DIAPH2: variants seen among roughly 807,000 people sequenced by gnomAD.
DIAPH2 encodes the protein diaphanous related formin 2.
In DIAPH2, 35 loss-of-function variants were observed where a neutral mutation model predicts 92.7. That is an observed-to-expected ratio of 0.38 (90% CI 0.29 to 0.50). The LOEUF (loss-of-function observed/expected upper bound fraction) is 0.50. Among genes scored for constraint, DIAPH2 ranks in the 20% least tolerant of loss-of-function variants. The probability of loss-of-function intolerance (pLI) is 0.94; values close to 1 mark genes in which losing one functional copy is unlikely to be tolerated. For synonymous variants in DIAPH2, 301 were observed against 280.4 expected, an observed-to-expected ratio of 1.07 and a Z score of -0.73; for missense variants, 701 against 819.5, an observed-to-expected ratio of 0.86 and a Z score of 1.77.
At chrX:97,589,440 C>G (rs184112773) in intron 26 of DIAPH2, among the ~76,000 whole-genome samples, 19 of 108,131 alleles carry the variant, frequency 1.8e-4, no homozygotes, top group African/African-American at 4.7e-4. Context: ...TTTCAAAAAG[C>G]AGATTATGAC....
At chrX:96,747,263 C>A (rs2064156493) in intron 3 of DIAPH2, among the ~76,000 whole-genome samples, 1 of 111,768 alleles carries the variant, frequency 8.9e-6, no homozygotes, top group African/African-American at 3.2e-5. Context: ...GCACAAGGAA[C>A]TCCCAAGTGG....
chrX:97,332,551 A>G (rs1002816012), intron 23 of DIAPH2, among the ~76,000 whole-genome samples: 1 of 112,127 alleles, frequency 8.9e-6, no homozygotes, highest in African/African-American at 3.2e-5. Context: ...GACACTATCT[A>G]TAATTCAGTA....
rs369665085 is a variant in DIAPH2, at chrX:96,747,738, A to C, written c.342+8976A>C. On this transcript the variant is annotated intron_variant, in intron 3 of 26. Transcript: ENST00000324765. Reference sequence around the variant, plus strand: ...ATAGGTTTCTTTCTCACCCAACCCTAGTCTTTTAGAAGTTAGTTAGCTTGG... The same window carrying C: ...ATAGGTTTCTTTCTCACCCAACCCTCGTCTTTTAGAAGTTAGTTAGCTTGG... 3.1e-4 allele frequency among the ~76,000 whole-genome samples: 35 copies of C among 111,948 alleles called. No homozygotes were observed. The East Asian group carries it at 8.7e-3, about 28-fold the overall frequency.
intron 17 of DIAPH2, among the ~76,000 whole-genome samples, chrX:97,019,450 C>G (rs1569280656): frequency 2.7e-5 from 3 of 110,807 alleles, no homozygotes; most frequent in African/African-American, 9.9e-5. Context: ...ATAGTAAGTA[C>G]TTCTGACCTC....
rs1013895713 is a variant in DIAPH2, at chrX:97,602,964, G to A, written c.*3647G>A. 9.0e-6 allele frequency: 1 copy of A among 111,279 alleles called. No homozygotes were observed. Among genetic ancestry groups the A allele is most frequent in the African/African-American group, 3.3e-5 (1 of 30,534 alleles). 9.2% of individuals were successfully genotyped at this position (111,279 alleles called of 1,213,427 possible). A position where few individuals can be genotyped will look rare whatever the true frequency, so the allele number is the denominator to read the frequency against. On this transcript the variant is annotated 3_prime_UTR_variant, in exon 27 of 27. Transcript: ENST00000324765. ...CATTGATTCACACATTCAGAAAAGA[G>A]GGTCCTCACAGATTTTTCCTGAACA... is the stretch of plus-strand genomic sequence containing the variant.
intron 15 of DIAPH2, among the ~76,000 whole-genome samples, chrX:96,952,044 T>G (rs1299757770): frequency 1.8e-5 from 2 of 111,861 alleles, no homozygotes; most frequent in African/African-American, 6.5e-5. Flanking sequence ...TACACAAAAT[T>G]TGTAGGATAA....
intron 22 of DIAPH2, among the ~76,000 whole-genome samples, chrX:97,185,327 G>GTATATATATA (rs1262703134): frequency 1.0e-3 from 4 of 3,881 alleles, no homozygotes; most frequent in African/African-American, 4.4e-3. Flanking sequence ...ATATATATGT[G>GTATATATATA]TATATATATA....
intron 20 of DIAPH2, among the ~76,000 whole-genome samples, chrX:97,102,981 A>G (rs956816377): frequency 2.7e-5 from 3 of 111,606 alleles, no homozygotes; most frequent in Non-Finnish European, 5.6e-5. Context: ...AAGGAAGACT[A>G]GTTTACTTGT....
chrX:96,901,923 G>A lies in DIAPH2; in HGVS notation c.588-10405G>A, dbSNP rs181484709. 2.7e-5 allele frequency among the ~76,000 whole-genome samples: 3 copies of A among 111,475 alleles called. No individual in the cohort carries two copies. The Admixed American group carries it at 2.9e-4, about 11-fold the overall frequency. On this transcript the variant is annotated intron_variant, in intron 5 of 26. Coordinates refer to ENST00000324765, the MANE Select transcript of DIAPH2 (RefSeq NM_006729.5). ...TCAGACTTTTTGATATAGACATTTA[G>A]CACTGTAAACTTTCCTCTTAGCACT...
At chrX:97,049,346 C>T (rs2147892846) in intron 17 of DIAPH2, among the ~76,000 whole-genome samples, 1 of 110,693 alleles carries the variant, frequency 9.0e-6, no homozygotes, top group East Asian at 2.8e-4. Context: ...CAGTGACTCA[C>T]TTAATAAAAT....
intron 3 of DIAPH2, among the ~76,000 whole-genome samples, chrX:96,743,179 A>C (rs1454221989): frequency 8.9e-6 from 1 of 111,865 alleles, no homozygotes; most frequent in Non-Finnish European, 1.9e-5. Context: ...CTCAAATGGG[A>C]ATTTTTTCTT....
intron 26 of DIAPH2, among the ~76,000 whole-genome samples, chrX:97,511,052 C>T (rs2070887127): frequency 9.4e-6 from 1 of 105,900 alleles, no homozygotes; most frequent in African/African-American, 3.4e-5. Flanking sequence ...TGAAGAAAGT[C>T]ATTGGTAGCT....
intron 4 of DIAPH2, among the ~76,000 whole-genome samples, chrX:96,881,098 TA>T (rs970055405): frequency 4.5e-5 from 5 of 111,922 alleles, no homozygotes; most frequent in African/African-American, 1.6e-4. Context: ...TGTTTTCACT[TA>T]TTTTTTTTAG....
intron 23 of DIAPH2, among the ~76,000 whole-genome samples, chrX:97,315,126 A>G (rs2068829742): frequency 9.0e-6 from 1 of 111,107 alleles, no homozygotes; most frequent in African/African-American, 3.3e-5. Flanking sequence ...CTGCCCTTAA[A>G]GACCCTATAA....
chrX:96,727,300 A>G (rs910945839), intron 1 of DIAPH2, among the ~76,000 whole-genome samples: 11 of 112,351 alleles, frequency 9.8e-5, no homozygotes, highest in Admixed American at 5.6e-4. Flanking sequence ...ACCCAAAGTC[A>G]GCTTTCTAAA....
intron 9 of DIAPH2, among the ~76,000 whole-genome samples, chrX:96,927,410 C>T (rs187053284): frequency 9.5e-6 from 1 of 105,617 alleles, no homozygotes; most frequent in African/African-American, 3.5e-5. Context: ...TTTCATTATT[C>T]AGCAATGAGT....
intron 26 of DIAPH2, among the ~76,000 whole-genome samples, chrX:97,494,343 A>G (rs2070744602): frequency 9.1e-6 from 1 of 109,986 alleles, no homozygotes; most frequent in Non-Finnish European, 1.9e-5. Context: ...TACATACATA[A>G]TTTCTACCTC....
intron 22 of DIAPH2, among the ~76,000 whole-genome samples, chrX:97,207,402 A>T (rs985421719): frequency 8.9e-6 from 1 of 112,060 alleles, no homozygotes; most frequent in African/African-American, 3.2e-5. Context: ...AACAACAGTA[A>T]TCGCAAGAAT....
chrX:97,067,382 AT>A (rs2066640932), intron 17 of DIAPH2, among the ~76,000 whole-genome samples: 1 of 112,198 alleles, frequency 8.9e-6, no homozygotes, highest in Admixed American at 9.5e-5. Context: ...TATGATTTTT[AT>A]TTTTATGTCA....
Sources: allele counts gnomAD v4.1 joint callset (sites outside exome capture counted in the v4.1 genomes callset), GRCh38; gene constraint gnomAD v4.1.1; transcripts MANE v1.5; gene names NCBI Gene and HGNC (gene_info 2026-07-23, HGNC 2026-07-21).